IL10RA: variants seen among roughly 807,000 people sequenced by gnomAD.
IL10RA encodes the protein interleukin 10 receptor subunit alpha, also known as interleukin-10 receptor subunit alpha.
IL10RA carries 18 observed loss-of-function variants against 29.6 expected under a neutral mutation model. That is an observed-to-expected ratio of 0.61 (90% confidence interval 0.42 to 0.90). The LOEUF is 0.90. IL10RA is among the 40% of genes least tolerant of loss of function. The probability of loss-of-function intolerance (pLI) is 0.00; values close to 1 mark genes in which losing one functional copy is unlikely to be tolerated. For synonymous variants in IL10RA, 292 were observed against 294.1 expected (o/e 0.99, Z 0.07); for missense variants, 634 against 716.6 (o/e 0.88, Z 1.32).
intron 2 of IL10RA, 47 bp downstream of exon 2, chr11:117,988,549 C>T: frequency 6.2e-7 from 1 of 1,609,012 alleles, no homozygotes; most frequent in Non-Finnish European, 8.5e-7. Flanking sequence ...GAATCCCCGC[C>T]TTGTCCTCTA....
Position 118,000,314 on chromosome 11 carries a change from A to C in IL10RA, c.*673A>C, listed in dbSNP as rs1381670568. The C allele has an allele frequency of 4.4e-6, 2 of 454,222 alleles. No individual in the cohort carries two copies. Among genetic ancestry groups the C allele is most frequent in the Admixed American group, 4.7e-5 (2 of 42,558 alleles). 28.1% of individuals were successfully genotyped at this position (454,222 alleles called of 1,614,324 possible). A position where few individuals can be genotyped will look rare whatever the true frequency, so the allele number is the denominator to read the frequency against. ...GGATGGGGCTTCCAGCTCAGAACCC[A>C]TCCCTCTGGTGGGTACCTCTGGCAC... On this transcript the variant is annotated 3_prime_UTR_variant, in exon 7 of 7. Coordinates refer to ENST00000227752, the MANE Select transcript of IL10RA (RefSeq NM_001558.4).
chr11:117,998,704 C>T lies in IL10RA; in HGVS notation c.811-11C>T, dbSNP rs1328081601. ...ACTCCTGCTTCTCTCACTCTGCCCT[C>T]TCTTCCCCAGCTCTTCAAGAAGCCC... On this transcript the variant is annotated splice_polypyrimidine_tract_variant and intron_variant, in intron 6 of 6. Transcript: ENST00000227752. 5.0e-6 allele frequency: 8 copies of T among 1,613,618 alleles called. No homozygotes were observed. The highest frequency in any genetic ancestry group is 5.9e-6 in the Non-Finnish European group (7 of 1,179,646).
chr11:117,992,760 T>C (rs1337141214), intron 3 of IL10RA, among the ~76,000 whole-genome samples: 1 of 152,340 alleles, frequency 6.6e-6, no homozygotes, highest in South Asian at 2.1e-4. Flanking sequence ...ATCCAAGAAA[T>C]CTTTGCCCAG....
At chr11:117,987,847 GA>G in intron 1 of IL10RA, 1 of 188,980 alleles carries the variant, frequency 5.3e-6, no homozygotes, top group Admixed American at 5.4e-5. Flanking sequence ...AGCCCTCCCA[GA>G]AACTAGGGAA....
At chr11:117,997,291 C>T (rs2058062657) in intron 6 of IL10RA, among the ~76,000 whole-genome samples, 1 of 152,212 alleles carries the variant, frequency 6.6e-6, no homozygotes, top group African/African-American at 2.4e-5. Context: ...TGAGCACCTT[C>T]TATGTACCAC....
Position 117,988,450 on chromosome 11 carries a change from A to G in IL10RA, c.136A>G (p.Thr46Ala), listed in dbSNP as rs112317511. The G allele has an allele frequency of 6.3e-4, 1,018 of 1,614,068 alleles. 6 individuals are homozygous for G. In the African/African-American group the frequency reaches 8.9e-3, roughly 14 times the overall value. Residue 46 changes from threonine to alanine, a missense_variant, in exon 2 of 7, where the codon ACA becomes GCA. Physicochemically the swap from Thr to Ala is moderately conservative, Grantham distance 58. Coordinates refer to ENST00000227752, the MANE Select transcript of IL10RA (RefSeq NM_001558.4). Reference protein sequence around the residue: ...AEFFHHILHWTPIPNQSESTC... With the variant: ...AEFFHHILHWAPIPNQSESTC... The stretch of plus-strand genomic sequence containing the variant: ...ATTTTTCCACCACATCCTCCACTGG[A>G]CACCCATCCCAAATCAGTCTGAAAG...
chr11:117,992,147 T>C (rs1312505483), intron 3 of IL10RA, among the ~76,000 whole-genome samples: 2 of 152,238 alleles, frequency 1.3e-5, no homozygotes, highest in Non-Finnish European at 2.9e-5. Flanking sequence ...TTATGAATAA[T>C]ACTGCAATGA....
chr11:117,996,545 G>A (rs574087138), intron 6 of IL10RA, among the ~76,000 whole-genome samples: 2 of 152,354 alleles, frequency 1.3e-5, no homozygotes, highest in South Asian at 4.1e-4. Context: ...CAGCTGGGAA[G>A]GAACCAGCTC....
At chr11:117,988,279 G>T (rs1304052872) in intron 1 of IL10RA, 103 bp from the exon 2 acceptor site, 52 of 1,489,266 alleles carry the variant, frequency 3.5e-5, no homozygotes, top group Non-Finnish European at 4.3e-5. Context: ...CTGGCCTCGG[G>T]CGAGTCATAG....
intron 4 of IL10RA, 133 bp from the exon 5 acceptor site, chr11:117,993,866 G>T: frequency 1.4e-6 from 1 of 733,516 alleles, no homozygotes; most frequent in Middle Eastern, 2.6e-4. Flanking sequence ...ATTGGTAATT[G>T]TGGGGTTTGT....
At chr11:117,993,941 A>G (rs56278144) in intron 4 of IL10RA, 58 bp from the exon 5 acceptor site, 54 of 1,508,920 alleles carry the variant, frequency 3.6e-5, no homozygotes, top group Middle Eastern at 1.7e-4. Flanking sequence ...ACCAGCTCTC[A>G]GTGTCCGTGT....
At chr11:117,996,064 G>A (rs1398405804) in intron 6 of IL10RA, among the ~76,000 whole-genome samples, 1 of 152,214 alleles carries the variant, frequency 6.6e-6, no homozygotes, top group East Asian at 1.9e-4. Context: ...CATTTCATAA[G>A]TGAGGAAACT....
rs2058036439 is a variant in IL10RA, at chr11:117,993,351, A to C, written c.478A>C (p.Ile160Leu). 1 of 1,614,036 alleles carries C rather than the reference A, an allele frequency of 6.2e-7. No homozygotes were observed. The highest frequency in any genetic ancestry group is 8.5e-7 in the Non-Finnish European group (1 of 1,179,952). Residue 160 changes from isoleucine (I) to leucine (L), a missense_variant, in exon 4 of 7, where the codon ATC becomes CTC. By Grantham distance (5) the Ile-to-Leu change is conservative. Coordinates refer to ENST00000227752, the MANE Select transcript of IL10RA (RefSeq NM_001558.4). ...CCCCGCAAATGACACATATGAAAGC[A>C]TCTTCAGTCACTTCCGAGAGTATGA... ...MAPANDTYES[I>L]FSHFREYEIA...
Position 117,998,805 on chromosome 11 carries a change from T to C in IL10RA, c.901T>C (p.Phe301Leu), listed in dbSNP as rs541473182. ...DTIHPLDEEA[F>L]LKVSPELKNL... ...CATCCACCCGCTTGATGAGGAGGCC[T>C]TTTTGAAGGTGTCCCCAGAGCTGAA... Residue 301 changes from phenylalanine to leucine, a missense_variant, in exon 7 of 7, where the codon TTT (phenylalanine) becomes CTT (leucine). Coordinates refer to ENST00000227752, the MANE Select transcript of IL10RA (RefSeq NM_001558.4). 9 of 1,614,092 alleles carry C rather than the reference T, an allele frequency of 5.6e-6. No homozygotes were observed. The South Asian group carries it at 8.8e-5, about 16-fold the overall frequency.
Position 117,999,772 on chromosome 11 carries a change from C to G in IL10RA, c.*131C>G, listed in dbSNP as rs1323280130. ...TTTCTGCAAGTCCACTGGGGCTGGC[C>G]CCAGCCAGGCCCTGCAGGGCTGGTC... On this transcript the variant is annotated 3_prime_UTR_variant, in exon 7 of 7. Coordinates refer to ENST00000227752, the MANE Select transcript of IL10RA (RefSeq NM_001558.4). The G allele has an allele frequency of 1.2e-6, 1 of 806,320 alleles. No individual in the cohort carries two copies. Among genetic ancestry groups the G allele is most frequent in the South Asian group, 1.4e-5 (1 of 69,770 alleles). The allele number at this position is 806,320 out of a possible 1,614,324, so 49.9% of individuals were successfully genotyped here. A position where few individuals can be genotyped will look rare whatever the true frequency, so the allele number is the denominator to read the frequency against.
Position 118,000,195 on chromosome 11 carries a change from C to A in IL10RA, c.*554C>A, listed in dbSNP as rs560078524. On this transcript the variant is annotated 3_prime_UTR_variant, in exon 7 of 7. Transcript: ENST00000227752. ...CTCATCGGGCCTCTGGGGCAGGAAG[C>A]TTGTCACTGGAAGATCTTAAGGTAT... 2 of 454,368 alleles carry A rather than the reference C, an allele frequency of 4.4e-6. No individual in the cohort carries two copies. Among genetic ancestry groups the A allele is most frequent in the African/African-American group, 4.0e-5 (2 of 50,134 alleles). The allele number at this position is 454,368 out of a possible 1,614,324, so 28.1% of individuals were successfully genotyped here.
Position 117,986,550 on chromosome 11 carries a change from G to C in IL10RA, c.67+16G>C. 6.4e-7 allele frequency: 1 copy of C among 1,551,768 alleles called. No individual in the cohort carries two copies. Among genetic ancestry groups the C allele is most frequent in the Non-Finnish European group, 8.7e-7 (1 of 1,147,280 alleles). On this transcript the variant is annotated intron_variant, in intron 1 of 6. Transcript: ENST00000227752. ...GACGCTCATGGTAAGGCTCCGGGAC[G>C]CGGCCCTTCCCTGCCCTGCCCTCTC...
intron 3 of IL10RA, among the ~76,000 whole-genome samples, chr11:117,991,749 A>G (rs2058023509): frequency 6.6e-6 from 1 of 151,722 alleles, no homozygotes; most frequent in South Asian, 2.1e-4. Flanking sequence ...TTTTTTTTCA[A>G]TTTGAGACAA....
At chr11:117,986,885 T>G (rs1591260215) in intron 1 of IL10RA, 2 of 1,314,922 alleles carry the variant, frequency 1.5e-6, no homozygotes, top group East Asian at 8.1e-5. Flanking sequence ...GGGGAATAAT[T>G]TTGATCTCCT....
Sources: allele counts gnomAD v4.1 joint callset (sites outside exome capture counted in the v4.1 genomes callset), GRCh38; gene constraint gnomAD v4.1.1; transcripts MANE v1.5; gene names NCBI Gene and HGNC (gene_info 2026-07-23, HGNC 2026-07-21).